The following GATA3 variants were observed in gnomAD, a reference collection of about 807,000 sequenced individuals.
GATA3 encodes trans-acting T-cell-specific transcription factor GATA-3.
Under a neutral mutation model 36.0 loss-of-function variants are expected in GATA3, and 6 were observed. That is an observed-to-expected ratio of 0.17 (90% confidence interval 0.09 to 0.33). The LOEUF is 0.33. Ranked by LOEUF, GATA3 falls within the 10% of genes least tolerant of loss-of-function variation. GATA3 has a pLI of 1.00. For synonymous variants in GATA3, 326 were observed against 273.0 expected (o/e 1.19, Z -1.92); for missense variants, 514 against 610.1 (o/e 0.84, Z 1.66).
chr10:8,061,932 C>T (rs568858244), intron 3 of GATA3, among the ~76,000 whole-genome samples: 1 of 152,254 alleles, frequency 6.6e-6, no homozygotes, highest in Non-Finnish European at 1.5e-5. Context: ...CGAGGGGGTC[C>T]CCTGTCTGGG....
chr10:8,074,071 C>A lies in GATA3; in HGVS notation c.*48C>A, dbSNP rs1480783168. On this transcript the variant is annotated 3_prime_UTR_variant, in exon 6 of 6. Transcript: ENST00000379328. ...GCCCCCAGCGAGAGTCCCTGCAGTCCCTTTCGACTTGCATTTTTGCAGGAG... is the reference window on the plus strand; with the variant it reads ...GCCCCCAGCGAGAGTCCCTGCAGTCACTTTCGACTTGCATTTTTGCAGGAG... 2.5e-6 allele frequency: 4 copies of A among 1,592,956 alleles called. No homozygotes were observed. The highest frequency in any genetic ancestry group is 1.7e-4 in the Middle Eastern group (1 of 5,970).
intron 5 of GATA3, among the ~76,000 whole-genome samples, chr10:8,073,414 C>T (rs1017230776): frequency 6.6e-6 from 1 of 152,068 alleles, no homozygotes; most frequent in Admixed American, 6.5e-5. Flanking sequence ...ATGGCATTTC[C>T]CTCCTGAAGA....
In GATA3 at chr10:8,058,159, G is replaced by A. The variant is rs370101181; in HGVS notation, c.242-146G>A. ...GTGCCAGGCAGGTACTCCGGGGACC[G>A]CCAGGATGAGAGAGTGGGCCTGAGC... On this transcript the variant is annotated intron_variant, in intron 2 of 5. Coordinates refer to ENST00000379328, the MANE Select transcript of GATA3 (RefSeq NM_001002295.2). 9.8e-4 allele frequency: 796 copies of A among 809,784 alleles called. 5 individuals carry two copies. Among genetic ancestry groups the A allele is most frequent in the East Asian group, 3.7e-3 (141 of 37,718 alleles). 50.2% of individuals were successfully genotyped at this position (809,784 alleles called of 1,614,324 possible).
chr10:8,066,334 C>G (rs1832841561), intron 4 of GATA3, among the ~76,000 whole-genome samples: 2 of 151,890 alleles, frequency 1.3e-5, no homozygotes, highest in African/African-American at 2.4e-5. Context: ...TCTGTCTTTT[C>G]TTTCTTAATC....
Position 8,055,540 on chromosome 10 carries a change from T to A in GATA3, c.-116T>A. On this transcript the variant is annotated 5_prime_UTR_variant, in exon 2 of 6. Coordinates refer to ENST00000379328, the MANE Select transcript of GATA3 (RefSeq NM_001002295.2). The surrounding 1 kb of genome is among the most constrained non-coding windows in gnomAD (Gnocchi z 5.4). ...CCATCCCCCCACCGAAAGCAAATCA[T>A]TCAACGACCCCCGACCCTCCGACGG... 8.8e-7 allele frequency: 1 copy of A among 1,141,582 alleles called. No individual in the cohort carries two copies. The highest frequency in any genetic ancestry group is 1.2e-6 in the Non-Finnish European group (1 of 817,828). The allele number at this position is 1,141,582 out of a possible 1,614,324, so 70.7% of individuals were successfully genotyped here. A position where few individuals can be genotyped will look rare whatever the true frequency, so the allele number is the denominator to read the frequency against.
chr10:8,046,548 G>T (rs66655691), intron 1 of GATA3, among the ~76,000 whole-genome samples: 4 of 151,894 alleles, frequency 2.6e-5, no homozygotes, highest in Non-Finnish European at 5.9e-5. Flanking sequence ...CTGCCGAGAA[G>T]GTAGTGGTAG....
intron 2 of GATA3, 91 bp from the exon 3 acceptor site, chr10:8,058,214 C>T (rs148810744): frequency 2.8e-6 from 4 of 1,410,770 alleles, no homozygotes; most frequent in African/African-American, 1.4e-5. Context: ...GAGGCCGATG[C>T]GAGGTAGAGA....
At chr10:8,065,932 G>T (rs1588385771) in intron 4 of GATA3, among the ~76,000 whole-genome samples, 10 of 96,262 alleles carry the variant, frequency 1.0e-4, no homozygotes, top group African/African-American at 8.0e-5. Flanking sequence ...ACAAAAGAAT[G>T]TTTTGAATCA....
In GATA3 at chr10:8,058,402, T is replaced by C; in HGVS notation, c.339T>C (p.Asn113=). 1.2e-6 allele frequency: 2 copies of C among 1,612,856 alleles called. No homozygotes were observed. The highest frequency in any genetic ancestry group is 4.5e-5 in the East Asian group (2 of 44,862). The part of the protein sequence containing the change: ...LGSHHTASPW[N]LSPFSKTSIH... Reference sequence around the variant, plus strand: ...GCCACCACACCGCCTCCCCCTGGAATCTCAGCCCCTTCTCCAAGACGTCCA... The same window carrying C: ...GCCACCACACCGCCTCCCCCTGGAACCTCAGCCCCTTCTCCAAGACGTCCA... The change falls in exon 3 of 6, where the codon AAT becomes AAC. Residue 113 remains asparagine, a synonymous_variant. Transcript: ENST00000379328.
intron 3 of GATA3, among the ~76,000 whole-genome samples, chr10:8,062,377 T>TA (rs1357640989): frequency 4.1e-5 from 6 of 145,704 alleles, no homozygotes; most frequent in Admixed American, 6.7e-5. Context: ...TTTTTTTTTT[T>TA]AAAAAACAAA....
intron 4 of GATA3, among the ~76,000 whole-genome samples, chr10:8,068,921 T>C (rs1030775414): frequency 6.6e-6 from 1 of 152,254 alleles, no homozygotes; most frequent in African/African-American, 2.4e-5. Context: ...GTTCTCTTTA[T>C]AACTCAGCAT....
Position 8,063,835 on chromosome 10 carries a change from G to T in GATA3, c.779-158G>T, listed in dbSNP as rs535483919. On this transcript the variant is annotated intron_variant, in intron 3 of 5. Transcript: ENST00000379328. The stretch of plus-strand genomic sequence containing the variant: ...GACAGCATTCCCCAGCTCAACTTTG[G>T]AGCATCTTGGAAAGAGGTGGGGGTG... Among the ~76,000 whole-genome samples, 4 of 152,288 alleles carry T rather than the reference G, an allele frequency of 2.6e-5. No homozygotes were observed. The East Asian group carries it at 7.7e-4, about 29-fold the overall frequency.
chr10:8,073,814 T>C lies in GATA3; in HGVS notation c.1126T>C (p.Cys376Arg). Residue 376 changes from cysteine to arginine, a missense_variant, in exon 6 of 6, where the codon TGC (cysteine) becomes CGC (arginine). This residue lies in a region of GATA3 where 89 missense variants were observed against 104.2 expected (regional missense o/e 0.85). Transcript: ENST00000379328. ...AAAAATGTCTAGCAAATCCAAAAAGTGCAAAAAAGTGCATGACTCACTGGA... is the reference window on the plus strand; with the variant it reads ...AAAAATGTCTAGCAAATCCAAAAAGCGCAAAAAAGTGCATGACTCACTGGA... ...NRKMSSKSKKCKKVHDSLEDF... is the reference protein window; with the variant it reads ...NRKMSSKSKKRKKVHDSLEDF... 1 of 1,613,904 alleles carries C rather than the reference T, an allele frequency of 6.2e-7. No homozygotes were observed. The highest frequency in any genetic ancestry group is 8.5e-7 in the Non-Finnish European group (1 of 1,179,994).
chr10:8,067,635 A>T (rs1172620020), intron 4 of GATA3, among the ~76,000 whole-genome samples: 2 of 151,874 alleles, frequency 1.3e-5, no homozygotes, highest in Admixed American at 6.6e-5. Flanking sequence ...TGGCTAACAC[A>T]GGTGAAACCC....
At chr10:8,061,110 T>G (rs1832741865) in intron 3 of GATA3, among the ~76,000 whole-genome samples, 1 of 147,198 alleles carries the variant, frequency 6.8e-6, no homozygotes, top group South Asian at 2.2e-4. Flanking sequence ...CTTTAACCTC[T>G]TCTTTGCAAA....
At chr10:8,057,700 G>A (rs2131486710) in intron 2 of GATA3, among the ~76,000 whole-genome samples, 1 of 152,286 alleles carries the variant, frequency 6.6e-6, no homozygotes, top group East Asian at 1.9e-4. Context: ...CACTGGGTTA[G>A]GTTTCCGGAA....
At position 8,058,297 on chromosome 10, in the gene GATA3, C is replaced by T. The variant is rs753350724; in HGVS notation, c.242-8C>T. 8 of 1,613,396 alleles carry T rather than the reference C, an allele frequency of 5.0e-6. No individual in the cohort carries two copies. The highest frequency in any genetic ancestry group is 3.3e-5 in the Admixed American group (2 of 60,010). ...TCTCTCTCCTGCCCTTTCCCCGTTG[C>T]CCCACAGGGAGCCAGGTGTGCCGCC... On this transcript the variant is annotated splice_polypyrimidine_tract_variant and splice_region_variant and intron_variant, in intron 2 of 5. Transcript: ENST00000379328.
chr10:8,073,867 C>G lies in GATA3; in HGVS notation c.1179C>G (p.Asn393Lys), dbSNP rs138679257. 6.2e-7 allele frequency: 1 copy of G among 1,614,166 alleles called. No individual in the cohort carries two copies. The highest frequency in any genetic ancestry group is 8.5e-7 in the Non-Finnish European group (1 of 1,180,032). ...ACTTCCCCAAGAACAGCTCGTTTAA[C>G]CCGGCCGCCCTCTCCAGACACATGT... ...LEDFPKNSSF[N>K]PAALSRHMSS... is the part of the protein sequence containing the mutation. The change falls in exon 6 of 6, where the codon AAC (asparagine) becomes AAG (lysine). Residue 393 changes from asparagine to lysine, a missense_variant. Transcript: ENST00000379328.
Position 8,075,006 on chromosome 10 carries a change from C to T in GATA3, c.*983C>T. 4.3e-6 allele frequency: 1 copy of T among 233,396 alleles called. No homozygotes were observed. Among genetic ancestry groups the T allele is most frequent in the Non-Finnish European group, 8.5e-6 (1 of 118,014 alleles). 14.5% of individuals were successfully genotyped at this position (233,396 alleles called of 1,614,324 possible). A position where few individuals can be genotyped will look rare whatever the true frequency, so the allele number is the denominator to read the frequency against. ...ATCTGTCTTGTCCCTATTCCTGCAG[C>T]CTGTGCTGAGGGTAGCAGTGTATGA... is the stretch of plus-strand genomic sequence containing the variant. On this transcript the variant is annotated 3_prime_UTR_variant, in exon 6 of 6. Coordinates refer to ENST00000379328, the MANE Select transcript of GATA3 (RefSeq NM_001002295.2).
Sources: allele counts gnomAD v4.1 joint callset (sites outside exome capture counted in the v4.1 genomes callset), GRCh38; gene constraint gnomAD v4.1.1; regional missense constraint gnomAD v4.1.1; non-coding constraint Gnocchi (gnomAD v3.1); transcripts MANE v1.5; gene names NCBI Gene and HGNC (gene_info 2026-07-23, HGNC 2026-07-21).